HECW1: variants seen among roughly 807,000 people sequenced by gnomAD.
HECW1 encodes HECT, C2 and WW domain containing E3 ubiquitin protein ligase 1.
Under a neutral mutation model 182.3 loss-of-function variants are expected in HECW1, and 61 were observed. The observed-to-expected ratio is 0.33, with a 90% CI of 0.27 to 0.41. The LOEUF (loss-of-function observed/expected upper bound fraction) is 0.41. HECW1 is among the 10% of genes least tolerant of loss of function. HECW1 has a pLI of 1.00. For missense variants in HECW1, 1,739 were observed against 2,108.9 expected (o/e 0.82, Z 3.44); for synonymous variants, 859 against 832.6 (o/e 1.03, Z -0.55).
intron 5 of HECW1, among the ~76,000 whole-genome samples, chr7:43,344,683 G>T (rs536251105): frequency 6.6e-6 from 1 of 151,956 alleles, no homozygotes; most frequent in South Asian, 2.1e-4. Flanking sequence ...TGTGTTTCTT[G>T]CTCTTTCGTC....
chr7:43,196,648 C>A (rs1033282031), intron 2 of HECW1, among the ~76,000 whole-genome samples: 4 of 152,256 alleles, frequency 2.6e-5, no homozygotes, highest in African/African-American at 9.6e-5. Flanking sequence ...CTGACCTGAG[C>A]GGGAGATGGG....
At chr7:43,314,194 C>T (rs545416581) in intron 4 of HECW1, among the ~76,000 whole-genome samples, 5 of 152,278 alleles carry the variant, frequency 3.3e-5, no homozygotes, top group African/African-American at 1.2e-4. Context: ...TAGGTACCCA[C>T]TGGAAGAGAA....
chr7:43,211,231 C>G (rs1795982296), intron 2 of HECW1, among the ~76,000 whole-genome samples: 1 of 152,180 alleles, frequency 6.6e-6, no homozygotes. Flanking sequence ...CTAGTCCTGT[C>G]TCTCAGTATG....
At chr7:43,495,499 C>G in intron 19 of HECW1, among the ~76,000 whole-genome samples, 1 of 152,176 alleles carries the variant, frequency 6.6e-6, no homozygotes. Context: ...ACTTGTGTCT[C>G]CCTACAGCAC....
At chr7:43,497,833 G>T (rs1312813049) in intron 19 of HECW1, among the ~76,000 whole-genome samples, 2 of 152,124 alleles carry the variant, frequency 1.3e-5, no homozygotes, top group Non-Finnish European at 2.9e-5. Context: ...TTACTGAGAT[G>T]GGAAAGAGTG....
At chr7:43,350,983 T>C (rs1319409252) in intron 5 of HECW1, among the ~76,000 whole-genome samples, 1 of 152,206 alleles carries the variant, frequency 6.6e-6, no homozygotes, top group African/African-American at 2.4e-5. Flanking sequence ...CTGGTTCCTT[T>C]TCATTTGGGT....
intron 26 of HECW1, among the ~76,000 whole-genome samples, chr7:43,548,192 G>T (rs962616160): frequency 6.6e-6 from 1 of 152,232 alleles, no homozygotes; most frequent in African/African-American, 2.4e-5. Flanking sequence ...GTTAGTAAAT[G>T]ATAAAATAGA....
intron 15 of HECW1, among the ~76,000 whole-genome samples, chr7:43,467,898 C>T (rs1301474046): frequency 6.6e-6 from 1 of 152,052 alleles, no homozygotes; most frequent in Non-Finnish European, 1.5e-5. Context: ...CAGTTTTTAG[C>T]AGGTTATTTC....
intron 8 of HECW1, among the ~76,000 whole-genome samples, chr7:43,410,033 A>C (rs4724202): frequency 0.65 from 98,677 of 152,038 alleles, 32,365 homozygotes; most frequent in East Asian, 0.92. Context: ...GCCCCCAGGG[A>C]TCCCAGCTCT....
At chr7:43,203,228 TATC>T (rs34301727) in intron 2 of HECW1, among the ~76,000 whole-genome samples, 6,979 of 152,304 alleles carry the variant, frequency 0.046, 349 homozygotes, top group East Asian at 0.27. Context: ...ATATTATCTT[TATC>T]ATCATCAGTT....
intron 2 of HECW1, among the ~76,000 whole-genome samples, chr7:43,132,848 CA>C (rs1368564871): frequency 6.6e-6 from 1 of 152,106 alleles, no homozygotes; most frequent in Non-Finnish European, 1.5e-5. Context: ...GTGCTTATAA[CA>C]TTGGCTAAAA....
intron 3 of HECW1, among the ~76,000 whole-genome samples, chr7:43,293,378 C>T (rs1250437737): frequency 6.6e-6 from 1 of 152,184 alleles, no homozygotes; most frequent in East Asian, 1.9e-4. Flanking sequence ...TTCATGCTCA[C>T]CTCCTGTAAC....
At chr7:43,319,248 G>A (rs1398399003) in intron 4 of HECW1, among the ~76,000 whole-genome samples, 3 of 151,316 alleles carry the variant, frequency 2.0e-5, no homozygotes, top group East Asian at 3.9e-4. Context: ...TTAGCCGGGC[G>A]CGGTGGCGGG....
intron 9 of HECW1, 45 bp from the exon 10 acceptor site, chr7:43,442,484 A>C: frequency 1.5e-6 from 2 of 1,348,932 alleles, no homozygotes; most frequent in Non-Finnish European, 2.1e-6. Flanking sequence ...GTCATTAGGA[A>C]GAGAGGTATT....
At chr7:43,407,479 C>A (rs1214050548) in intron 7 of HECW1, 83 bp from the exon 8 acceptor site, 1 of 991,384 alleles carries the variant, frequency 1.0e-6, no homozygotes, top group African/African-American at 1.6e-5. Flanking sequence ...GCCAATGGTC[C>A]TCTCATGAAA....
chr7:43,538,386 C>A (rs1487155717), intron 24 of HECW1, among the ~76,000 whole-genome samples: 2 of 152,254 alleles, frequency 1.3e-5, no homozygotes, highest in African/African-American at 4.8e-5. Context: ...TTACCTGAAC[C>A]AAAATATATC....
chr7:43,549,108 A>G (rs11770773), intron 26 of HECW1, among the ~76,000 whole-genome samples: 14,301 of 152,252 alleles, frequency 0.094, 850 homozygotes, highest in East Asian at 0.28. Flanking sequence ...ACAAAGGAAC[A>G]CACAGCCCAT....
intron 17 of HECW1, among the ~76,000 whole-genome samples, chr7:43,482,083 G>C (rs1295705396): frequency 1.3e-5 from 2 of 151,566 alleles, no homozygotes; most frequent in African/African-American, 4.9e-5. Flanking sequence ...CACCCTGACT[G>C]TTCGTCACAT....
At chr7:43,321,842 A>G (rs951406402) in intron 5 of HECW1, among the ~76,000 whole-genome samples, 1 of 152,180 alleles carries the variant, frequency 6.6e-6, no homozygotes, top group Non-Finnish European at 1.5e-5. Context: ...TATTTCAAGG[A>G]CTATAGATGT....
Sources: gnomAD v4.1 joint callset for allele counts (sites outside exome capture counted in the v4.1 genomes callset) on GRCh38, gnomAD v4.1.1 for gene constraint, MANE v1.5 for transcripts, NCBI Gene and HGNC (gene_info 2026-07-23, HGNC 2026-07-21) for gene names.